EEPD1: variants seen among roughly 807,000 people sequenced by gnomAD.
EEPD1 encodes the protein endonuclease/exonuclease/phosphatase family domain containing 1, also known as endonuclease/exonuclease/phosphatase family domain-containing protein 1.
In EEPD1, 17 loss-of-function variants were observed where a neutral mutation model predicts 46.3. The ratio of observed to expected loss-of-function variants is 0.37; its 90% CI spans 0.25 to 0.55. The LOEUF (loss-of-function observed/expected upper bound fraction) is 0.55. EEPD1 is among the 20% of genes least tolerant of loss of function. The pLI, the probability that EEPD1 is intolerant of heterozygous loss-of-function variation, is 0.83. For synonymous variants in EEPD1, 313 were observed against 315.6 expected (o/e 0.99, Z 0.09); for missense variants, 673 against 745.6 (o/e 0.90, Z 1.13).
chr7:36,261,682 G>T (rs983476781), intron 3 of EEPD1, among the ~76,000 whole-genome samples: 1 of 152,108 alleles, frequency 6.6e-6, no homozygotes. Context: ...GCAAAGTTTG[G>T]GCTAGTCAGT....
intron 2 of EEPD1, among the ~76,000 whole-genome samples, chr7:36,224,480 C>G (rs918729302): frequency 2.6e-5 from 4 of 152,130 alleles, no homozygotes; most frequent in East Asian, 3.9e-4. Flanking sequence ...AAGGTAAAAG[C>G]AAGAGCTTCT....
chr7:36,238,744 G>A (rs1198331896), intron 2 of EEPD1, among the ~76,000 whole-genome samples: 1 of 152,066 alleles, frequency 6.6e-6, no homozygotes, highest in Non-Finnish European at 1.5e-5. Context: ...CAATTCTTTT[G>A]GGAATATACT....
chr7:36,181,354 C>A (rs1173447911), intron 2 of EEPD1, among the ~76,000 whole-genome samples: 1 of 152,178 alleles, frequency 6.6e-6, no homozygotes, highest in Non-Finnish European at 1.5e-5. Context: ...GCTGTGACTC[C>A]CTTCTGGTGT....
intron 3 of EEPD1, among the ~76,000 whole-genome samples, chr7:36,241,637 C>T (rs910562319): frequency 5.9e-5 from 9 of 151,608 alleles, no homozygotes; most frequent in African/African-American, 1.7e-4. Context: ...GAGGCTGAGG[C>T]GGGTGGATCA....
chr7:36,266,375 G>T (rs541460774), intron 3 of EEPD1, among the ~76,000 whole-genome samples: 1 of 151,966 alleles, frequency 6.6e-6, no homozygotes, highest in African/African-American at 2.4e-5. Context: ...TTGAATCCTC[G>T]CAGTCTAGAG....
At chr7:36,203,079 G>A (rs1414195562) in intron 2 of EEPD1, among the ~76,000 whole-genome samples, 4 of 152,238 alleles carry the variant, frequency 2.6e-5, no homozygotes, top group Admixed American at 2.6e-4. Context: ...TGGGTTCTGG[G>A]TTTGGGTCTC....
chr7:36,186,351 G>A (rs893322327), intron 2 of EEPD1, among the ~76,000 whole-genome samples: 2 of 152,150 alleles, frequency 1.3e-5, no homozygotes, highest in African/African-American at 4.8e-5. Context: ...AGGGCTTTGA[G>A]TCAGGGCCGC....
rs776268630 is a variant in EEPD1 at position 36,154,501 on chromosome 7, C to T, written c.177C>T (p.Ala59=). 114 of 1,614,064 alleles carry T rather than the reference C, an allele frequency of 7.1e-5. No homozygotes were observed. The highest frequency in any genetic ancestry group is 9.4e-5 in the Non-Finnish European group (111 of 1,180,034). The change falls in exon 2 of 8, where the codon GCC becomes GCT. Residue 59 remains alanine (A), a synonymous_variant. Transcript: ENST00000242108. The surrounding 1 kb of genome is among the most constrained non-coding windows in gnomAD (Gnocchi z 4.2). ...TGACCCTGCCTGGGGTGACGCGTGC[C>T]GTGGCACGCAGCATCGTGGAGTACC... ...ELMTLPGVTR[A]VARSIVEYRE...
At chr7:36,164,522 A>G (rs1027526884) in intron 2 of EEPD1, among the ~76,000 whole-genome samples, 2 of 152,208 alleles carry the variant, frequency 1.3e-5, no homozygotes, top group South Asian at 2.1e-4. Flanking sequence ...AACATCTATT[A>G]TGTTTTTTAA....
intron 2 of EEPD1, among the ~76,000 whole-genome samples, chr7:36,188,183 A>G (rs991774510): frequency 4.6e-5 from 7 of 152,104 alleles, no homozygotes; most frequent in Non-Finnish European, 8.8e-5. Context: ...TGGTTGGTCT[A>G]TGAGTCTCTT....
intron 2 of EEPD1, among the ~76,000 whole-genome samples, chr7:36,169,456 G>T (rs879515700): frequency 6.6e-6 from 1 of 152,100 alleles, no homozygotes; most frequent in African/African-American, 2.4e-5. Context: ...TCTTGTTGGG[G>T]ATTTAAATTG....
At chr7:36,169,020 A>G (rs768284453) in intron 2 of EEPD1, among the ~76,000 whole-genome samples, 1 of 152,148 alleles carries the variant, frequency 6.6e-6, no homozygotes, top group Non-Finnish European at 1.5e-5. Context: ...TTCGAGGTTT[A>G]TCCGTGGTGA....
chr7:36,196,558 C>T (rs1016134971), intron 2 of EEPD1, among the ~76,000 whole-genome samples: 4 of 152,230 alleles, frequency 2.6e-5, no homozygotes, highest in East Asian at 3.9e-4. Flanking sequence ...ATTGCAGGCG[C>T]GCGCCGCCAC....
At chr7:36,277,018 C>A (rs1787192051) in intron 3 of EEPD1, among the ~76,000 whole-genome samples, 1 of 152,176 alleles carries the variant, frequency 6.6e-6, no homozygotes, top group Admixed American at 6.5e-5. Flanking sequence ...CTTTTGTAGG[C>A]AAAGCAAAAA....
intron 5 of EEPD1, among the ~76,000 whole-genome samples, chr7:36,285,673 G>A (rs1787333228): frequency 6.6e-6 from 1 of 152,212 alleles, no homozygotes. Context: ...GTGCCTTGGA[G>A]CTCAGCAAGC....
intron 3 of EEPD1, among the ~76,000 whole-genome samples, chr7:36,244,275 G>A (rs1269179691): frequency 6.6e-6 from 1 of 151,988 alleles, no homozygotes; most frequent in Non-Finnish European, 1.5e-5. Context: ...ACCTGCACAG[G>A]CCTCCTCTTT....
chr7:36,255,083 A>G (rs1011058408), intron 3 of EEPD1, among the ~76,000 whole-genome samples: 1 of 152,188 alleles, frequency 6.6e-6, no homozygotes, highest in Admixed American at 6.5e-5. Flanking sequence ...CCCATTCTGT[A>G]GGTTGCCTGT....
At chr7:36,247,122 CAAAAA>C (rs35947069) in intron 3 of EEPD1, among the ~76,000 whole-genome samples, 3 of 107,228 alleles carry the variant, frequency 2.8e-5, no homozygotes, top group Admixed American at 9.4e-5. Context: ...GACTCCATCT[CAAAAA>C]AAAAAAAAAA....
At chr7:36,211,019 G>GCT in intron 2 of EEPD1, among the ~76,000 whole-genome samples, 1 of 152,344 alleles carries the variant, frequency 6.6e-6, no homozygotes, top group Non-Finnish European at 1.5e-5. Flanking sequence ...GGGAATAACA[G>GCT]TGTCTATGTC....
Sources: allele counts gnomAD v4.1 joint callset (sites outside exome capture counted in the v4.1 genomes callset), GRCh38; gene constraint gnomAD v4.1.1; non-coding constraint Gnocchi (gnomAD v3.1); transcripts MANE v1.5; gene names NCBI Gene and HGNC (gene_info 2026-07-23, HGNC 2026-07-21).